The following ARHGEF9 variants were observed in gnomAD, a reference collection of about 807,000 sequenced individuals.
ARHGEF9 encodes Cdc42 guanine nucleotide exchange factor 9, also known as rho guanine nucleotide exchange factor 9.
Under a neutral mutation model 41.3 loss-of-function variants are expected in ARHGEF9, and 2 were observed. That is an observed-to-expected ratio of 0.05 (90% CI 0.02 to 0.15). ARHGEF9 has a LOEUF of 0.15. ARHGEF9 is among the 10% of genes least tolerant of loss of function. The pLI is 1.00. For synonymous variants in ARHGEF9, 160 were observed against 154.4 expected (o/e 1.04, Z -0.27); for missense variants, 225 against 424.7 (o/e 0.53, Z 4.13).
chrX:63,648,808 T>C (rs1556320337), intron 8 of ARHGEF9, among the ~76,000 whole-genome samples: 2 of 111,216 alleles, frequency 1.8e-5, no homozygotes, highest in Non-Finnish European at 3.8e-5. Context: ...ATCCTAGTCT[T>C]GGTTAAAACA....
intron 8 of ARHGEF9, among the ~76,000 whole-genome samples, chrX:63,647,399 C>T (rs1323077401): frequency 3.6e-5 from 4 of 111,540 alleles, no homozygotes; most frequent in Non-Finnish European, 7.5e-5. Context: ...TTTTGAAATA[C>T]GTCCCATCAG....
intron 1 of ARHGEF9, among the ~76,000 whole-genome samples, chrX:63,746,274 T>C (rs1472265580): frequency 1.8e-5 from 2 of 112,441 alleles, no homozygotes; most frequent in African/African-American, 6.5e-5. Flanking sequence ...GGCCTGGAAC[T>C]AGCACATAAG....
At chrX:63,753,542 G>GTT (rs1569504082) in intron 1 of ARHGEF9, among the ~76,000 whole-genome samples, 1 of 105,128 alleles carries the variant, frequency 9.5e-6, no homozygotes, top group Admixed American at 1.0e-4. Flanking sequence ...TTTCTTGTGG[G>GTT]GTTTTTTTTT....
In ARHGEF9 at chrX:63,726,339, C is replaced by A. The variant is rs782710030; in HGVS notation, c.31-1628G>T. Among the ~76,000 whole-genome samples, 9 of 112,062 alleles carry A rather than the reference C, an allele frequency of 8.0e-5. No homozygotes were observed. The South Asian group carries it at 3.0e-3, about 37-fold the overall frequency. ...CACTATTACCATTCATTCATTCATT[C>A]ATTCATTTTTATTTTTTGGGACGGA... On this transcript the variant is annotated intron_variant, in intron 1 of 9. Transcript: ENST00000671741.
At chrX:63,646,072 G>T (rs1391805000) in intron 8 of ARHGEF9, among the ~76,000 whole-genome samples, 2 of 111,288 alleles carry the variant, frequency 1.8e-5, no homozygotes, top group Non-Finnish European at 3.8e-5. Context: ...TTGTTGATGG[G>T]GTTGTTTGTT....
At chrX:63,767,764 C>G (rs1295984244) in intron 1 of ARHGEF9, among the ~76,000 whole-genome samples, 1 of 111,989 alleles carries the variant, frequency 8.9e-6, no homozygotes. Context: ...GTACCCCTCA[C>G]CTCTAGAATG....
At chrX:63,705,357 A>ATGTGTGTG (rs58549005) in intron 3 of ARHGEF9, among the ~76,000 whole-genome samples, 36 of 82,100 alleles carry the variant, frequency 4.4e-4, no homozygotes, top group Middle Eastern at 6.1e-3. Flanking sequence ...ATAAGAGAGA[A>ATGTGTGTG]TGTGTGTGTG....
At chrX:63,728,954 G>C (rs1339396481) in intron 1 of ARHGEF9, among the ~76,000 whole-genome samples, 3 of 111,695 alleles carry the variant, frequency 2.7e-5, no homozygotes, top group African/African-American at 9.8e-5. Context: ...GTGGAGTTTG[G>C]AGAGGTTAGG....
rs537425434 is a variant in ARHGEF9, at chrX:63,693,948, C to T, written c.582+3177G>A. On this transcript the variant is annotated intron_variant, in intron 4 of 9. Transcript: ENST00000671741. ...AATCCCAGTCAGCACTTTGGGAGGC[C>T]GAGGTGGGAAGATCACTTGAGGTAA... Among the ~76,000 whole-genome samples, 45 of 110,461 alleles carry T rather than the reference C, an allele frequency of 4.1e-4. No individual in the cohort carries two copies. In the South Asian group the frequency reaches 0.016, roughly 40 times the overall value.
chrX:63,754,342 C>G, intron 1 of ARHGEF9: 1 of 1,209,955 alleles, frequency 8.3e-7, no homozygotes, highest in East Asian at 3.0e-5. Context: ...TGTTGAAGCT[C>G]AAAACGTTTT....
intron 7 of ARHGEF9, among the ~76,000 whole-genome samples, chrX:63,660,886 T>C (rs1556340733): frequency 9.0e-6 from 1 of 111,620 alleles, no homozygotes; most frequent in Non-Finnish European, 1.9e-5. Context: ...CAAGGTCATA[T>C]AGCTCATGGG....
chrX:63,769,975 C>A (rs2056177444), intron 1 of ARHGEF9, among the ~76,000 whole-genome samples: 1 of 112,033 alleles, frequency 8.9e-6, no homozygotes, highest in African/African-American at 3.2e-5. Context: ...CTGGGCACCA[C>A]CTAGTGGAGC....
At chrX:63,723,683 C>G (rs1435077259) in intron 2 of ARHGEF9, among the ~76,000 whole-genome samples, 1 of 112,083 alleles carries the variant, frequency 8.9e-6, no homozygotes, top group African/African-American at 3.2e-5. Flanking sequence ...ATAGCTGATT[C>G]CAGCTCACAA....
At chrX:63,761,034 C>T (rs781960977) in intron 1 of ARHGEF9, among the ~76,000 whole-genome samples, 1 of 111,234 alleles carries the variant, frequency 9.0e-6, no homozygotes, top group Admixed American at 9.5e-5. Context: ...ATTATTATCC[C>T]AGACCCTCTC....
chrX:63,684,910 A>T (rs1241697976), intron 4 of ARHGEF9, among the ~76,000 whole-genome samples: 1 of 108,363 alleles, frequency 9.2e-6, no homozygotes, highest in Non-Finnish European at 1.9e-5. Flanking sequence ...TTATATGTGG[A>T]ATCAAAAGGA....
chrX:63,715,634 C>T (rs782054332), intron 2 of ARHGEF9, among the ~76,000 whole-genome samples: 2 of 111,836 alleles, frequency 1.8e-5, no homozygotes, highest in Non-Finnish European at 3.8e-5. Flanking sequence ...AGGCTTTTCC[C>T]GCAACATCTG....
intron 1 of ARHGEF9, among the ~76,000 whole-genome samples, chrX:63,774,203 T>G (rs2147818801): frequency 9.0e-6 from 1 of 110,870 alleles, no homozygotes; most frequent in East Asian, 2.8e-4. Flanking sequence ...TTCAGAGAGG[T>G]TTAGGATTCT....
At position 63,678,396 on chromosome X, in the gene ARHGEF9, G is replaced by T. The variant is rs782598343; in HGVS notation, c.759C>A (p.Ile253=). 5 of 1,207,764 alleles carry T rather than the reference G, an allele frequency of 4.1e-6. No homozygotes were observed. The highest frequency in any genetic ancestry group is 3.0e-5 in the East Asian group (1 of 33,732). Reference sequence around the variant, plus strand: ...CAGCCAACTGTAAGGGATACTTGCAGATCTTCTGCACTGGAGTCAAAAGGA... The same window carrying T: ...CAGCCAACTGTAAGGGATACTTGCATATCTTCTGCACTGGAGTCAAAAGGA... The part of the protein sequence containing the change: ...DGFLLTPVQK[I]CKYPLQLAEL... Residue 253 remains isoleucine, a synonymous_variant, in exon 5 of 10, where the codon ATC becomes ATA. Coordinates refer to ENST00000671741, the MANE Select transcript of ARHGEF9 (RefSeq NM_001353921.2).
At chrX:63,724,247 C>A (rs782245457) in intron 2 of ARHGEF9, among the ~76,000 whole-genome samples, 12 of 111,573 alleles carry the variant, frequency 1.1e-4, no homozygotes, top group African/African-American at 3.9e-4. Flanking sequence ...CCAAGGCCAA[C>A]CCCAAAAGAG....
Sources: gnomAD v4.1 joint callset for allele counts (sites outside exome capture counted in the v4.1 genomes callset) on GRCh38, gnomAD v4.1.1 for gene constraint, MANE v1.5 for transcripts, NCBI Gene and HGNC (gene_info 2026-07-23, HGNC 2026-07-21) for gene names.